Variants in CP observed in about 807,000 individuals in gnomAD.
The protein encoded by CP is ceruloplasmin, also known as caeruloplasmin.
Under a neutral mutation model 122.4 loss-of-function variants are expected in CP, and 64 were observed. That is an observed-to-expected ratio of 0.52 (90% CI 0.43 to 0.64). CP has a LOEUF of 0.64. Ranked by LOEUF, CP falls within the 30% of genes least tolerant of loss-of-function variation. The probability of loss-of-function intolerance (pLI) is 0.00; values close to 1 mark genes in which losing one functional copy is unlikely to be tolerated. For missense variants in CP, 1,167 were observed against 1,284.4 expected (o/e 0.91, Z 1.40); for synonymous variants, 440 against 436.4 (o/e 1.01, Z -0.10).
chr3:149,172,355 C>CACACACAT (rs1417486263), downstream of CP: 32 of 619,314 alleles, frequency 5.2e-5, no homozygotes, highest in African/African-American at 5.6e-4. Flanking sequence ...CACACACACA[C>CACACACAT]ATATATGATA....
chr3:149,165,479 T>C (rs1339448697), intron 5 of CP, among the ~76,000 whole-genome samples: 1 of 124,748 alleles, frequency 8.0e-6, no homozygotes, highest in African/African-American at 3.0e-5. Context: ...GCCTAAACTT[T>C]TATAATTTTT....
intron 1 of CP, among the ~76,000 whole-genome samples, chr3:149,220,490 T>TA (rs11374895): frequency 1 from 151,922 of 151,936 alleles, 75,954 homozygotes; most frequent in Middle Eastern, 1. Flanking sequence ...AAAACCAGGT[T>TA]AAAAAAGAAA....
chr3:149,175,578 C>A (rs1309928175), intron 18 of CP, among the ~76,000 whole-genome samples: 2 of 151,978 alleles, frequency 1.3e-5, no homozygotes, highest in Non-Finnish European at 2.9e-5. Flanking sequence ...CAACAATCCT[C>A]AACTCGAAAG....
intron 17 of CP, 59 bp downstream of exon 17, chr3:149,177,781 T>C (rs1244358230): frequency 6.4e-7 from 1 of 1,567,068 alleles, no homozygotes; most frequent in South Asian, 1.1e-5. Context: ...AATATTTTCT[T>C]CACTTGTATT....
chr3:149,194,278 C>T (rs1459075964), intron 9 of CP, among the ~76,000 whole-genome samples: 2 of 149,590 alleles, frequency 1.3e-5, no homozygotes, highest in Non-Finnish European at 3.0e-5. Context: ...TGGCTTTGTC[C>T]CCCAGGTTAG....
intron 14 of CP, among the ~76,000 whole-genome samples, chr3:149,181,506 A>C (rs1725771762): frequency 6.6e-6 from 1 of 152,206 alleles, no homozygotes. Context: ...GTTCTTATTA[A>C]AGAAAATGCT....
Position 149,196,990 on chromosome 3 carries a change from T to C in CP, c.1713+1377A>G, listed in dbSNP as rs187505583. On this transcript the variant is annotated intron_variant, in intron 9 of 18. Coordinates refer to ENST00000264613, the MANE Select transcript of CP (RefSeq NM_000096.4). ...CCGGTCTTTGCCTTAACTGATGACATTACCTTGTGAAAGTCCTTCTCCTGG... is the reference window on the plus strand; with the variant it reads ...CCGGTCTTTGCCTTAACTGATGACACTACCTTGTGAAAGTCCTTCTCCTGG... Among the ~76,000 whole-genome samples the C allele has an allele frequency of 2.5e-3, 388 of 152,254 alleles. 1 individual carries two copies. The highest frequency in any genetic ancestry group is 4.0e-3 in the Non-Finnish European group (274 of 68,022).
At chr3:149,212,305 A>C in intron 2 of CP, 146 bp downstream of exon 2, 1 of 848,808 alleles carries the variant, frequency 1.2e-6, no homozygotes, top group Non-Finnish European at 1.7e-6. Flanking sequence ...AAGTCAAAAA[A>C]AATTAAAAAA....
At chr3:149,177,819 A>G in intron 17 of CP, 21 bp downstream of exon 17, 1 of 1,612,178 alleles carries the variant, frequency 6.2e-7, no homozygotes, top group Non-Finnish European at 8.5e-7. Context: ...AGCAAGAGTA[A>G]TTGCCATGGA....
Position 149,185,235 on chromosome 3 carries a change from T to G in CP, c.2285+4A>C, listed in dbSNP as rs776940344. On this transcript the variant is annotated splice_donor_region_variant and intron_variant, in intron 12 of 18. Transcript: ENST00000264613. ...AAATTGGGAATCAGAGTCTGGAGAA[T>G]TACTTCTGCTCTTGTAAATGATGCA... The G allele has an allele frequency of 6.2e-7, 1 of 1,612,032 alleles. No homozygotes were observed. The highest frequency in any genetic ancestry group is 1.1e-5 in the South Asian group (1 of 90,978).
chr3:149,214,822 G>A (rs1175491313), intron 1 of CP, among the ~76,000 whole-genome samples: 2 of 152,184 alleles, frequency 1.3e-5, no homozygotes, highest in Non-Finnish European at 2.9e-5. Context: ...CAAAATTGTT[G>A]CATCAAAGAC....
intron 5 of CP, among the ~76,000 whole-genome samples, chr3:149,164,154 G>A (rs891701845): frequency 6.6e-6 from 1 of 152,140 alleles, no homozygotes; most frequent in African/African-American, 2.4e-5. Flanking sequence ...GTGCTGAGCG[G>A]CTGGTTTTGT....
At chr3:149,188,281 CA>C (rs1312435483) in intron 9 of CP, 79 bp from the exon 10 acceptor site, 1 of 1,187,970 alleles carries the variant, frequency 8.4e-7, no homozygotes, top group Non-Finnish European at 1.2e-6. Context: ...TATTTATGCA[CA>C]AACACACCTA....
intron 17 of CP, among the ~76,000 whole-genome samples, chr3:149,177,403 C>T (rs1725488044): frequency 1.3e-5 from 2 of 152,272 alleles, no homozygotes; most frequent in African/African-American, 2.4e-5. Context: ...ATTGCTGTGC[C>T]TTATATAGGC....
At chr3:149,207,090 T>C (rs531762841) in intron 5 of CP, among the ~76,000 whole-genome samples, 176 of 152,284 alleles carry the variant, frequency 1.2e-3, no homozygotes, top group Middle Eastern at 3.4e-3. Flanking sequence ...ACAACACTGG[T>C]ATATTTTACA....
Position 149,207,519 on chromosome 3 carries a change from C to T in CP, c.880G>A (p.Val294Met), listed in dbSNP as rs758195897. The change falls in exon 5 of 19, where the codon GTG becomes ATG. Residue 294 changes from valine (V) to methionine (M), a missense_variant. By Grantham distance (21) the Val-to-Met change is conservative. This residue lies in a region of CP where 642 missense variants were observed against 627.3 expected (regional missense o/e 1.02). Transcript: ENST00000264613. ...TGCCCGTGAAAGAAAGCTGCGTGCA[C>T]ATCAACTTCATTACCCATACCAAAA... ...YLFGMGNEVD[V>M]HAAFFHGQAL... 2.5e-6 allele frequency: 4 copies of T among 1,613,894 alleles called. No homozygotes were observed. Among genetic ancestry groups the T allele is most frequent in the Admixed American group, 1.7e-5 (1 of 59,986 alleles).
Position 149,210,203 on chromosome 3 carries a change from A to T in CP, c.571T>A (p.Ser191Thr), listed in dbSNP as rs1728015661. The stretch of plus-strand genomic sequence containing the variant: ...ATTATTAAAGGTCCGATGAGTCCTG[A>T]GGCAATATCTTTTGGAGCATCAATG... ...SHIDAPKDIA[S>T]GLIGPLIICK... Residue 191 changes from serine (S) to threonine (T), a missense_variant, in exon 3 of 19, where the codon TCA becomes ACA. Physicochemically the swap from Ser to Thr is moderately conservative, Grantham distance 58. Transcript: ENST00000264613. The T allele has an allele frequency of 6.2e-7, 1 of 1,614,048 alleles. No individual in the cohort carries two copies. Among genetic ancestry groups the T allele is most frequent in the African/African-American group, 1.3e-5 (1 of 75,038 alleles).
Position 149,212,572 on chromosome 3 carries a change from C to A in CP, c.273G>T (p.Gly91=), listed in dbSNP as rs767001894. 2 of 1,613,990 alleles carry A rather than the reference C, an allele frequency of 1.2e-6. No individual in the cohort carries two copies. The highest frequency in any genetic ancestry group is 1.7e-6 in the Non-Finnish European group (2 of 1,179,966). Residue 91 remains glycine (G), a synonymous_variant, in exon 2 of 19, where the codon GGG becomes GGT. Coordinates refer to ENST00000264613, the MANE Select transcript of CP (RefSeq NM_000096.4). ...RTTIEKPVWL[G]FLGPIIKAET... ...CAGCTTTGATAATAGGGCCTAAAAA[C>A]CCAAGCCAGACCGGTTTTTCTATAG...
chr3:149,190,971 C>T (rs1726510752), intron 9 of CP, among the ~76,000 whole-genome samples: 1 of 152,078 alleles, frequency 6.6e-6, no homozygotes, highest in Non-Finnish European at 1.5e-5. Context: ...TTGTTCTCCC[C>T]CAGAGTGCAA....
Sources: allele counts gnomAD v4.1 joint callset (sites outside exome capture counted in the v4.1 genomes callset), GRCh38; gene constraint gnomAD v4.1.1; regional missense constraint gnomAD v4.1.1; transcripts MANE v1.5; gene names NCBI Gene and HGNC (gene_info 2026-07-23, HGNC 2026-07-21).